AGBL1: variants seen among roughly 807,000 people sequenced by gnomAD.
AGBL1 encodes the protein AGBL carboxypeptidase 1, also known as cytosolic carboxypeptidase 4.
In AGBL1, 130 loss-of-function variants were observed where a neutral mutation model predicts 118.9. That is an observed-to-expected ratio of 1.09 (90% CI 0.95 to 1.26). The LOEUF is 1.26. Ranked by LOEUF, AGBL1 falls within the 50% of genes most tolerant of loss-of-function variation. The pLI is 0.00. For missense variants in AGBL1, 1,584 were observed against 1,298.1 expected (o/e 1.22, Z -3.38); for synonymous variants, 555 against 478.9 (o/e 1.16, Z -2.08).
chr15:86,081,280 G>A (rs762075236), intron 1 of AGBL1, among the ~76,000 whole-genome samples: 3 of 152,112 alleles, frequency 2.0e-5, no homozygotes, highest in Non-Finnish European at 4.4e-5. Flanking sequence ...CCTGACCTCA[G>A]GTAATCCACC....
At chr15:86,720,749 T>G (rs1285129465) in intron 22 of AGBL1, among the ~76,000 whole-genome samples, 1 of 151,970 alleles carries the variant, frequency 6.6e-6, no homozygotes, top group Non-Finnish European at 1.5e-5. Context: ...AGTGGATAGA[T>G]CGCTAGCAAG....
At chr15:86,945,027 A>T (rs1186968934) in intron 23 of AGBL1, among the ~76,000 whole-genome samples, 1 of 152,180 alleles carries the variant, frequency 6.6e-6, no homozygotes. Context: ...TAAATAAATT[A>T]TAGCAATAAA....
rs1486754589 is a variant in AGBL1, at chr15:86,911,129, T to C, written c.*3835T>C. On this transcript the variant is annotated 3_prime_UTR_variant, in exon 23 of 23. Coordinates refer to ENST00000614907, the MANE Select transcript of AGBL1 (RefSeq NM_001386094.1). ...AATGGGAAGCAAATGTGGTCCAAAA[T>C]GTGCAGAGGAGAGAGGAGAGTCCAG... The C allele has an allele frequency of 6.6e-6, 1 of 152,210 alleles. No homozygotes were observed. The highest frequency in any genetic ancestry group is 2.4e-5 in the African/African-American group (1 of 41,392). The allele number at this position is 152,210 out of a possible 1,614,324, so 9.4% of individuals were successfully genotyped here. A position where few individuals can be genotyped will look rare whatever the true frequency, so the allele number is the denominator to read the frequency against.
intron 22 of AGBL1, among the ~76,000 whole-genome samples, chr15:86,676,929 C>G (rs959247137): frequency 6.6e-6 from 1 of 152,016 alleles, no homozygotes; most frequent in Admixed American, 6.5e-5. Context: ...GGTAAAACCC[C>G]GTCTTGAACC....
rs562238772 is a variant in AGBL1 at position 86,086,656 on chromosome 15, AC to A, written c.51+6634del. 4.3e-4 allele frequency among the ~76,000 whole-genome samples: 65 copies of A among 152,058 alleles called. 2 individuals carry two copies. The South Asian group carries it at 0.013, about 31-fold the overall frequency. On this transcript the variant is annotated intron_variant, in intron 1 of 22. Transcript: ENST00000614907. ...TTTCTCTCCTTTCTGCTTTTTGGTA[AC>A]TTTTTACAAACTGAATACATCTATG...
intron 17 of AGBL1, among the ~76,000 whole-genome samples, chr15:86,353,683 C>A (rs373669813): frequency 8.5e-5 from 13 of 152,156 alleles, no homozygotes; most frequent in African/African-American, 3.1e-4. Flanking sequence ...TTGGAAACCA[C>A]AAGACCTATC....
At chr15:86,097,209 T>C (rs533930065) in intron 1 of AGBL1, among the ~76,000 whole-genome samples, 6 of 152,318 alleles carry the variant, frequency 3.9e-5, no homozygotes, top group South Asian at 2.1e-4. Context: ...TTTTTACATA[T>C]TTATGGGATA....
chr15:86,950,965 C>G (rs960994839), intron 23 of AGBL1, among the ~76,000 whole-genome samples: 1 of 152,094 alleles, frequency 6.6e-6, no homozygotes, highest in Non-Finnish European at 1.5e-5. Context: ...CGAAGTGTGT[C>G]TATGGTATAG....
intron 22 of AGBL1, among the ~76,000 whole-genome samples, chr15:86,744,901 G>C (rs1321515898): frequency 6.6e-6 from 1 of 152,140 alleles, no homozygotes; most frequent in East Asian, 1.9e-4. Context: ...AACCTCTGTT[G>C]ATCTGCGGAG....
chr15:86,222,254 C>A (rs1427728106), intron 5 of AGBL1, among the ~76,000 whole-genome samples: 1 of 152,178 alleles, frequency 6.6e-6, no homozygotes, highest in Non-Finnish European at 1.5e-5. Flanking sequence ...ATGTTTCCAG[C>A]AGCATTCCAA....
chr15:86,890,998 T>A (rs1048214328), intron 22 of AGBL1, among the ~76,000 whole-genome samples: 1 of 152,226 alleles, frequency 6.6e-6, no homozygotes. Context: ...AGTATGGCCA[T>A]TTTCACTATA....
At chr15:86,141,890 A>T in intron 1 of AGBL1, 114 bp from the exon 2 acceptor site, 1 of 1,057,548 alleles carries the variant, frequency 9.5e-7, no homozygotes, top group Non-Finnish European at 1.4e-6. Flanking sequence ...CTTTCGCTGT[A>T]GTTAATCTTT....
chr15:87,027,603 T>C (rs1213724538), intron 24 of AGBL1, among the ~76,000 whole-genome samples: 1 of 151,946 alleles, frequency 6.6e-6, no homozygotes, highest in Non-Finnish European at 1.5e-5. Flanking sequence ...GGCAGCACTA[T>C]TCACAATAGC....
At position 86,603,433 on chromosome 15, in the gene AGBL1, G is replaced by A. The variant is rs562473829; in HGVS notation, c.2994+48896G>A. On this transcript the variant is annotated intron_variant, in intron 21 of 22. Transcript: ENST00000614907. ...TAATATTGTTGTTCCCCACACCCCC[G>A]CCCCCTACCATCTCAAGCATCTGGG... is the stretch of plus-strand genomic sequence containing the variant. 1.6e-3 allele frequency among the ~76,000 whole-genome samples: 238 copies of A among 150,450 alleles called. 1 individual carries two copies. The highest frequency in any genetic ancestry group is 5.4e-3 in the African/African-American group (222 of 40,874).
chr15:86,196,136 T>G (rs1361402881), intron 5 of AGBL1, among the ~76,000 whole-genome samples: 1 of 152,204 alleles, frequency 6.6e-6, no homozygotes, highest in Non-Finnish European at 1.5e-5. Context: ...ATATTTCAAA[T>G]AAATTATATC....
chr15:86,560,559 T>G (rs2083802562), intron 21 of AGBL1, among the ~76,000 whole-genome samples: 1 of 152,212 alleles, frequency 6.6e-6, no homozygotes, highest in South Asian at 2.1e-4. Context: ...TTTGGGTTGG[T>G]TCTAACTCTT....
rs550383510 is a variant in AGBL1, at chr15:86,524,176, G to A, written c.2685+1237G>A. On this transcript the variant is annotated intron_variant, in intron 19 of 22. Transcript: ENST00000614907. ...GATTTCAATGAGATCACCCAGAGGT[G>A]TATGGCAGAGTGGGAATTCAGTTCT... 6.6e-5 allele frequency among the ~76,000 whole-genome samples: 10 copies of A among 152,312 alleles called. No individual in the cohort carries two copies. The South Asian group carries it at 1.9e-3, about 28-fold the overall frequency.
Position 86,816,621 on chromosome 15 carries a change from A to G in AGBL1, c.3159-90466A>G, listed in dbSNP as rs182162338. On this transcript the variant is annotated intron_variant, in intron 22 of 22. Transcript: ENST00000614907. Reference sequence around the variant, plus strand: ...AGAAAAAATACCTTATTTGAAAGCAATTCAGTTGAGGGGAAAAATCTGGAG... The same window carrying G: ...AGAAAAAATACCTTATTTGAAAGCAGTTCAGTTGAGGGGAAAAATCTGGAG... 2.6e-5 allele frequency among the ~76,000 whole-genome samples: 4 copies of G among 152,278 alleles called. No homozygotes were observed. The East Asian group carries it at 7.7e-4, about 29-fold the overall frequency.
At chr15:86,728,514 C>T (rs1220221796) in intron 22 of AGBL1, among the ~76,000 whole-genome samples, 2 of 152,152 alleles carry the variant, frequency 1.3e-5, no homozygotes, top group Non-Finnish European at 2.9e-5. Context: ...TCGCCTCCAG[C>T]ATCTTTTCAG....
Sources: gnomAD v4.1 joint callset for allele counts (sites outside exome capture counted in the v4.1 genomes callset) on GRCh38, gnomAD v4.1.1 for gene constraint, MANE v1.5 for transcripts, NCBI Gene and HGNC (gene_info 2026-07-23, HGNC 2026-07-21) for gene names.